ZFP62: variants seen among roughly 807,000 people sequenced by gnomAD.
The protein encoded by ZFP62 is zinc finger protein 62 homolog.
A neutral mutation model predicts 56.4 loss-of-function variants in ZFP62; 44 were observed. The ratio of observed to expected loss-of-function variants is 0.78; its 90% CI spans 0.61 to 1.00. ZFP62 has a LOEUF of 1.00. Among genes scored for constraint, ZFP62 ranks in the 50% least tolerant of loss-of-function variants. ZFP62 has a pLI of 0.00. For missense variants in ZFP62, 1,030 were observed against 1,085.7 expected (o/e 0.95, Z 0.72); for synonymous variants, 421 against 388.9 (o/e 1.08, Z -0.97).
At chr5:180,843,602 T>C (rs1313543186), downstream of ZFP62, among the ~76,000 whole-genome samples, 2 of 152,200 alleles carry the variant, frequency 1.3e-5, no homozygotes, top group Non-Finnish European at 2.9e-5. Context: ...GTTTACTTCA[T>C]AAAATTTCAA....
the ZFP62 span, chr5:180,834,497 G>A: frequency 6.6e-6 from 1 of 152,186 alleles, no homozygotes; most frequent in African/African-American, 2.4e-5. Flanking sequence ...TCTCTGCCAT[G>A]TGAGAATACC....
rs1339249142 is a variant in ZFP62, at chr5:180,849,086, ATGAT to A, written c.2405_2408del (p.Asn802IlefsTer66). 4 of 1,552,966 alleles carry A rather than the reference ATGAT, an allele frequency of 2.6e-6. No individual in the cohort carries two copies. The highest frequency in any genetic ancestry group is 3.5e-6 in the Non-Finnish European group (4 of 1,147,666). ...GCTGCTTCCCCTGGTGGACACTTTT[ATGAT>A]TGATAAGACTTGAGTGTGAGATGTA... On this transcript the variant is annotated frameshift_variant, in exon 2 of 2. Coordinates refer to ENST00000502412, the MANE Select transcript of ZFP62 (RefSeq NM_001172638.2). LOFTEE classifies it high-confidence loss of function.
chr5:180,842,870 C>A (rs1426972046), downstream of ZFP62, among the ~76,000 whole-genome samples: 1 of 151,742 alleles, frequency 6.6e-6, no homozygotes, highest in Admixed American at 6.6e-5. Flanking sequence ...AGTGAAACCC[C>A]CGTCTCTACT....
At chr5:180,844,936 C>T (rs1380876703), downstream of ZFP62, among the ~76,000 whole-genome samples, 1 of 152,132 alleles carries the variant, frequency 6.6e-6, no homozygotes, top group African/African-American at 2.4e-5. Flanking sequence ...TATGCAAATA[C>T]TTCTCATTCT....
chr5:180,850,247 A>C lies in ZFP62; in HGVS notation c.1248T>G (p.Pro416=). 6.4e-7 allele frequency: 1 copy of C among 1,554,314 alleles called. No individual in the cohort carries two copies. The highest frequency in any genetic ancestry group is 8.7e-7 in the Non-Finnish European group (1 of 1,148,606). ...SGLAVHKSIH[P]GKKAHECKEC... is the part of the protein sequence containing the mutation. The stretch of plus-strand genomic sequence containing the variant: ...CCTTACATTCATGGGCTTTCTTCCC[A>C]GGGTGAATGCTTTTATGGACTGCGA... The change falls in exon 2 of 2, where the codon CCT becomes CCG. Residue 416 remains proline, a synonymous_variant. Transcript: ENST00000502412.
intron 1 of ZFP62, among the ~76,000 whole-genome samples, chr5:180,854,393 C>G (rs1036886173): frequency 6.6e-6 from 1 of 152,206 alleles, no homozygotes; most frequent in Non-Finnish European, 1.5e-5. Context: ...CTCTTGCTTA[C>G]AGCAGAATGT....
rs1426245614 is a variant in ZFP62, at chr5:180,847,697, G to A, written c.*1095C>T. The A allele has an allele frequency of 3.0e-6, 3 of 985,402 alleles. No individual in the cohort carries two copies. The highest frequency in any genetic ancestry group is 3.6e-6 in the Non-Finnish European group (3 of 829,918). The allele number at this position is 985,402 out of a possible 1,614,324, so 61.0% of individuals were successfully genotyped here. ...TCATGACAAAGAGAGAGTGAGCCCT[G>A]AACAAAGTATTCGTTAACATTTTAC... On this transcript the variant is annotated 3_prime_UTR_variant, in exon 2 of 2. Coordinates refer to ENST00000502412, the MANE Select transcript of ZFP62 (RefSeq NM_001172638.2).
the ZFP62 span, among the ~76,000 whole-genome samples, chr5:180,836,459 G>A: frequency 6.6e-6 from 1 of 152,136 alleles, no homozygotes; most frequent in Non-Finnish European, 1.5e-5. Flanking sequence ...GTTCTCCCCT[G>A]TGGGTCTCTC....
chr5:180,833,678 T>TC, the ZFP62 span, among the ~76,000 whole-genome samples: 1 of 151,540 alleles, frequency 6.6e-6, no homozygotes, highest in African/African-American at 2.4e-5. Context: ...CGGTATTTTT[T>TC]TTTTTTTTTT....
Position 180,858,210 on chromosome 5 carries a change from T to C in ZFP62, c.1+3009A>G, listed in dbSNP as rs534902575. 3.0e-5 allele frequency among the ~76,000 whole-genome samples: 4 copies of C among 132,508 alleles called. No homozygotes were observed. The East Asian group carries it at 9.0e-4, about 30-fold the overall frequency. 86.9% of individuals were successfully genotyped at this position (132,508 alleles called of 152,430 possible). On this transcript the variant is annotated intron_variant, in intron 1 of 1. Transcript: ENST00000502412. Reference sequence around the variant, plus strand: ...AGGTGGAGGTTGCAGTAAGCTGAGATTGTGCCATTGCACTTCAGCCTGGGC... The same window carrying C: ...AGGTGGAGGTTGCAGTAAGCTGAGACTGTGCCATTGCACTTCAGCCTGGGC...
At chr5:180,828,002 T>A in the ZFP62 span, among the ~76,000 whole-genome samples, 1,023 of 152,328 alleles carry the variant, frequency 6.7e-3, 7 homozygotes, top group African/African-American at 0.024. Context: ...CTCTCCCCGC[T>A]ATTGTCTTGT....
At chr5:180,853,666 A>G (rs1773830734) in intron 1 of ZFP62, among the ~76,000 whole-genome samples, 1 of 152,246 alleles carries the variant, frequency 6.6e-6, no homozygotes, top group Non-Finnish European at 1.5e-5. Context: ...ATACAGAAGT[A>G]ATCCAGGCAA....
At position 180,849,598 on chromosome 5, in the gene ZFP62, A is replaced by T. The variant is rs1263734517; in HGVS notation, c.1897T>A (p.Ser633Thr). The T allele has an allele frequency of 6.4e-7, 1 of 1,551,902 alleles. No individual in the cohort carries two copies. Among genetic ancestry groups the T allele is most frequent in the Admixed American group, 2.0e-5 (1 of 50,988 alleles). ...CTAGTGTGGACCCTTCTGTGCTGAG[A>T]AAGGAGCGATGTGTAATTAAAAGAT... The part of the protein sequence containing the change: ...EKSFNYTSLL[S>T]QHRRVHTREK... Residue 633 changes from serine to threonine, a missense_variant, in exon 2 of 2, where the codon TCT becomes ACT. Coordinates refer to ENST00000502412, the MANE Select transcript of ZFP62 (RefSeq NM_001172638.2).
At position 180,850,214 on chromosome 5, in the gene ZFP62, C is replaced by G. The variant is rs1243328697; in HGVS notation, c.1281G>C (p.Gly427=). The change falls in exon 2 of 2, where the codon GGG becomes GGC. Residue 427 remains glycine, a synonymous_variant. Coordinates refer to ENST00000502412, the MANE Select transcript of ZFP62 (RefSeq NM_001172638.2). The stretch of plus-strand genomic sequence containing the variant: ...GTAGTGAGTTATAACTAAAGGATTT[C>G]CCACACTCCTTACATTCATGGGCTT... ...GKKAHECKEC[G]KSFSYNSLLL... 1 of 1,552,726 alleles carries G rather than the reference C, an allele frequency of 6.4e-7. No individual in the cohort carries two copies. Among genetic ancestry groups the G allele is most frequent in the Non-Finnish European group, 8.7e-7 (1 of 1,147,604 alleles).
Position 180,849,668 on chromosome 5 carries a change from T to A in ZFP62, c.1827A>T (p.Lys609Asn), listed in dbSNP as rs1773575114. The change falls in exon 2 of 2, where the codon AAA (lysine) becomes AAT (asparagine). Residue 609 changes from lysine (K) to asparagine (N), a missense_variant. Physicochemically the swap from Lys to Asn is moderately conservative, Grantham distance 94. Coordinates refer to ENST00000502412, the MANE Select transcript of ZFP62 (RefSeq NM_001172638.2). ...TGTAGGGCTTCTCCCCAAGATGAACTTTTTTGTGGTTTGTAAGGGTTCGGT... is the reference window on the plus strand; with the variant it reads ...TGTAGGGCTTCTCCCCAAGATGAACATTTTTGTGGTTTGTAAGGGTTCGGT... ...ITYRTLTNHK[K>N]VHLGEKPYKC... 2 of 1,551,416 alleles carry A rather than the reference T, an allele frequency of 1.3e-6. No individual in the cohort carries two copies. The highest frequency in any genetic ancestry group is 1.7e-6 in the Non-Finnish European group (2 of 1,146,944).
At chr5:180,834,028 C>G in the ZFP62 span, among the ~76,000 whole-genome samples, 4 of 152,068 alleles carry the variant, frequency 2.6e-5, no homozygotes, top group African/African-American at 9.7e-5. Flanking sequence ...ACTGAATGCT[C>G]GTCTGCCCCC....
At chr5:180,844,591 A>C (rs1209930244), downstream of ZFP62, among the ~76,000 whole-genome samples, 1 of 152,208 alleles carries the variant, frequency 6.6e-6, no homozygotes, top group Non-Finnish European at 1.5e-5. Flanking sequence ...CAGGCTGCCC[A>C]GGCCAGAAAG....
In ZFP62 at chr5:180,849,188, G is replaced by C. The variant is rs1326430580; in HGVS notation, c.2307C>G (p.Ser769Arg). 1.9e-6 allele frequency: 3 copies of C among 1,561,574 alleles called. No individual in the cohort carries two copies. Among genetic ancestry groups the C allele is most frequent in the Non-Finnish European group, 2.6e-6 (3 of 1,153,082 alleles). ...CDRCGKAFRN[S>R]SGLTVHKRIH... is the part of the protein sequence containing the mutation. ...TCCTTTTATGCACTGTGAGGCCTGA[G>C]CTGTTCCTGAAGGCCTTCCCACACC... The change falls in exon 2 of 2, where the codon AGC becomes AGG. Residue 769 changes from serine to arginine, a missense_variant. Transcript: ENST00000502412.
downstream of ZFP62, among the ~76,000 whole-genome samples, chr5:180,847,058 C>T (rs1489411487): frequency 6.6e-6 from 1 of 152,174 alleles, no homozygotes; most frequent in African/African-American, 2.4e-5. Flanking sequence ...AACAAATATA[C>T]TCCTAGAAAG....
Sources: gnomAD v4.1 joint callset for allele counts (sites outside exome capture counted in the v4.1 genomes callset) on GRCh38, gnomAD v4.1.1 for gene constraint, MANE v1.5 for transcripts, NCBI Gene and HGNC (gene_info 2026-07-23, HGNC 2026-07-21) for gene names.